The following ST8SIA5 variants were observed in gnomAD, a reference collection of about 807,000 sequenced individuals.
ST8SIA5 encodes ST8 alpha-N-acetyl-neuraminide alpha-2,8-sialyltransferase 5.
In ST8SIA5, 24 loss-of-function variants were observed where a neutral mutation model predicts 40.2. That is an observed-to-expected ratio of 0.60 (90% confidence interval 0.43 to 0.84). The LOEUF is 0.84. Among genes scored for constraint, ST8SIA5 ranks in the 40% least tolerant of loss-of-function variants. The pLI, the probability that ST8SIA5 is intolerant of heterozygous loss-of-function variation, is 0.00. For synonymous variants in ST8SIA5, 198 were observed against 201.8 expected (o/e 0.98, Z 0.16); for missense variants, 465 against 498.5 (o/e 0.93, Z 0.64).
chr18:46,725,972 A>AAAAAAAATATAT (rs59660372), intron 1 of ST8SIA5, among the ~76,000 whole-genome samples: 2 of 29,090 alleles, frequency 6.9e-5, no homozygotes, highest in African/African-American at 1.5e-4. Context: ...AAAAAAAAAA[A>AAAAAAAATATAT]ATATATATAT....
chr18:46,712,607 A>G (rs1352493394), intron 1 of ST8SIA5, among the ~76,000 whole-genome samples: 2 of 152,300 alleles, frequency 1.3e-5, no homozygotes, highest in African/African-American at 4.8e-5. Flanking sequence ...ATGTGGAATT[A>G]CACACAGCTC....
chr18:46,731,267 A>C (rs1413469089), intron 1 of ST8SIA5, among the ~76,000 whole-genome samples: 2 of 152,246 alleles, frequency 1.3e-5, no homozygotes, highest in Non-Finnish European at 2.9e-5. Flanking sequence ...AAAAAGAAAA[A>C]GGCCTTTTGG....
chr18:46,704,758 G>A, intron 1 of ST8SIA5, 94 bp from the exon 2 acceptor site: 1 of 1,085,236 alleles, frequency 9.2e-7, no homozygotes, highest in Non-Finnish European at 1.4e-6. Flanking sequence ...GTCTGTCCCA[G>A]TGAAATAAAT....
rs1359934830 is a variant in ST8SIA5, at chr18:46,704,573, T to C, written c.223A>G (p.Met75Val). The change falls in exon 2 of 7, where the codon ATG becomes GTG. Residue 75 changes from methionine to valine, a missense_variant and splice_region_variant. Met to Val is a conservative substitution (Grantham distance 21). Coordinates refer to ENST00000315087, the MANE Select transcript of ST8SIA5 (RefSeq NM_013305.6). ...HEILEVKVLS[M>V]VKQSELFDRW... is the part of the protein sequence containing the mutation. Reference sequence around the variant, plus strand: ...CCCACCACAAATGGCCACACTCACATGGACAGCACCTTCACTTCCAATATT... The same window carrying C: ...CCCACCACAAATGGCCACACTCACACGGACAGCACCTTCACTTCCAATATT... 2 of 1,507,064 alleles carry C rather than the reference T, an allele frequency of 1.3e-6. No individual in the cohort carries two copies. Among genetic ancestry groups the C allele is most frequent in the Admixed American group, 3.5e-5 (2 of 56,360 alleles). 93.4% of individuals were successfully genotyped at this position (1,507,064 alleles called of 1,614,324 possible). A position where few individuals can be genotyped will look rare whatever the true frequency, so the allele number is the denominator to read the frequency against.
intron 1 of ST8SIA5, among the ~76,000 whole-genome samples, chr18:46,733,154 C>T (rs546511634): frequency 3.8e-4 from 58 of 152,158 alleles, no homozygotes; most frequent in African/African-American, 1.2e-3. Context: ...GGGAAGACCC[C>T]GAAGGCGGCT....
rs1356049601 is a variant in ST8SIA5 at position 46,669,935 on chromosome 18, G to C, written c.*10107C>G. The C allele has an allele frequency of 6.6e-6, 1 of 152,304 alleles. No individual in the cohort carries two copies. The highest frequency in any genetic ancestry group is 1.9e-4 in the East Asian group (1 of 5,168). The allele number at this position is 152,304 out of a possible 1,614,324, so 9.4% of individuals were successfully genotyped here. Reference sequence around the variant, plus strand: ...ATACCAAAAATTAGCTGGGCAAAGTGGTGGGCGCCTGTAATCCCAGCTACT... The same window carrying C: ...ATACCAAAAATTAGCTGGGCAAAGTCGTGGGCGCCTGTAATCCCAGCTACT... On this transcript the variant is annotated 3_prime_UTR_variant, in exon 7 of 7. Transcript: ENST00000315087.
intron 1 of ST8SIA5, among the ~76,000 whole-genome samples, chr18:46,715,488 C>T (rs2039778739): frequency 6.6e-6 from 1 of 151,676 alleles, no homozygotes; most frequent in South Asian, 2.1e-4. Flanking sequence ...AGATGAGAGA[C>T]CCTAAAGATC....
chr18:46,682,058 G>A lies in ST8SIA5; in HGVS notation c.576C>T (p.Asn192=), dbSNP rs1376098871. ...TGTACTTCTCTGAGATGGGGGGCAG[G>A]TTGCACCTGCAGAAGAGAAAAGGCA... is the stretch of plus-strand genomic sequence containing the variant. ...INSADFVFRC[N]LPPISEKYTM... The change falls in exon 6 of 7, where the codon AAC becomes AAT. Residue 192 remains asparagine (N), a synonymous_variant. Transcript: ENST00000315087. 5 of 1,607,016 alleles carry A rather than the reference G, an allele frequency of 3.1e-6. No homozygotes were observed. The South Asian group carries it at 5.6e-5, about 18-fold the overall frequency.
chr18:46,699,258 T>C (rs647582), intron 2 of ST8SIA5, among the ~76,000 whole-genome samples: 10,314 of 152,236 alleles, frequency 0.068, 827 homozygotes, highest in East Asian at 0.37. Flanking sequence ...ATCGATTACT[T>C]AGGTAATCTA....
intron 4 of ST8SIA5, among the ~76,000 whole-genome samples, chr18:46,688,459 C>T (rs905350428): frequency 6.6e-6 from 1 of 152,146 alleles, no homozygotes; most frequent in Non-Finnish European, 1.5e-5. Flanking sequence ...AGGAGGGGGA[C>T]GAATGTGTTG....
In ST8SIA5 at chr18:46,670,779, C is replaced by T. The variant is rs552568077; in HGVS notation, c.*9263G>A. 6.6e-6 allele frequency: 1 copy of T among 151,994 alleles called. No homozygotes were observed. The highest frequency in any genetic ancestry group is 2.1e-4 in the South Asian group (1 of 4,802). 9.4% of individuals were successfully genotyped at this position (151,994 alleles called of 1,614,324 possible). On this transcript the variant is annotated 3_prime_UTR_variant, in exon 7 of 7. Coordinates refer to ENST00000315087, the MANE Select transcript of ST8SIA5 (RefSeq NM_013305.6). ...GTGTTTTTTTTTTTCCAAAGACAAG[C>T]TGTCGTTGAACAAGTAAACTAGTTT... is the stretch of plus-strand genomic sequence containing the variant.
At chr18:46,710,627 C>T (rs951505796) in intron 1 of ST8SIA5, among the ~76,000 whole-genome samples, 42 of 111,798 alleles carry the variant, frequency 3.8e-4, no homozygotes, top group Non-Finnish European at 7.7e-4. Flanking sequence ...TGCAAACTCC[C>T]CCTCCCGGGT....
Position 46,686,685 on chromosome 18 carries a change from G to A in ST8SIA5, c.457-399C>T, listed in dbSNP as rs368310125. On this transcript the variant is annotated intron_variant, in intron 4 of 6. Coordinates refer to ENST00000315087, the MANE Select transcript of ST8SIA5 (RefSeq NM_013305.6). ...GGCTAAATTTAAGGGGGACTTCTGC[G>A]GGAGACTGTCCTTATTTGTGGTCCA... Among the ~76,000 whole-genome samples, 11 of 152,250 alleles carry A rather than the reference G, an allele frequency of 7.2e-5. No homozygotes were observed. The East Asian group carries it at 1.2e-3, about 16-fold the overall frequency.
chr18:46,747,210 A>G (rs2040148815), intron 1 of ST8SIA5, among the ~76,000 whole-genome samples: 1 of 152,234 alleles, frequency 6.6e-6, no homozygotes, highest in Non-Finnish European at 1.5e-5. Flanking sequence ...AAAAGCCAAA[A>G]TAGACAAATG....
At chr18:46,714,253 A>C (rs1177038252) in intron 1 of ST8SIA5, among the ~76,000 whole-genome samples, 1 of 152,186 alleles carries the variant, frequency 6.6e-6, no homozygotes, top group East Asian at 1.9e-4. Context: ...AAGAGCCTCC[A>C]GCTGCCTTAA....
At chr18:46,724,251 C>A (rs2039892013) in intron 1 of ST8SIA5, among the ~76,000 whole-genome samples, 1 of 152,266 alleles carries the variant, frequency 6.6e-6, no homozygotes, top group Non-Finnish European at 1.5e-5. Context: ...CCCAGCCAGA[C>A]CCTGGGCTGA....
chr18:46,723,058 G>A (rs2039879092), intron 1 of ST8SIA5: 1 of 152,692 alleles, frequency 6.5e-6, no homozygotes, highest in Non-Finnish European at 1.5e-5. Flanking sequence ...GAGGACCATG[G>A]GTCCATGCAA....
chr18:46,736,376 G>C (rs2040034679), intron 1 of ST8SIA5, among the ~76,000 whole-genome samples: 1 of 152,190 alleles, frequency 6.6e-6, no homozygotes, highest in Admixed American at 6.5e-5. Context: ...CCTGAGATTG[G>C]ACCTGCAGAA....
intron 1 of ST8SIA5, among the ~76,000 whole-genome samples, chr18:46,727,016 C>T (rs994946470): frequency 6.6e-6 from 1 of 152,244 alleles, no homozygotes; most frequent in Non-Finnish European, 1.5e-5. Context: ...GCTTCCTGGA[C>T]TCAGTCAGCC....
Sources: allele counts gnomAD v4.1 joint callset (sites outside exome capture counted in the v4.1 genomes callset), GRCh38; gene constraint gnomAD v4.1.1; transcripts MANE v1.5; gene names NCBI Gene and HGNC (gene_info 2026-07-23, HGNC 2026-07-21).